The following ADAMTS3 variants were observed in gnomAD, a reference collection of about 807,000 sequenced individuals.
ADAMTS3 encodes ADAM metallopeptidase with thrombospondin type 1 motif 3.
Under a neutral mutation model 129.0 loss-of-function variants are expected in ADAMTS3, and 73 were observed. That is an observed-to-expected ratio of 0.57 (90% CI 0.47 to 0.69). The LOEUF is 0.69. Among genes scored for constraint, ADAMTS3 ranks in the 30% least tolerant of loss-of-function variants. The probability of loss-of-function intolerance (pLI) is 0.00; values close to 1 mark genes in which losing one functional copy is unlikely to be tolerated. For missense variants in ADAMTS3, 1,457 were observed against 1,514.5 expected (o/e 0.96, Z 0.63); for synonymous variants, 477 against 510.8 (o/e 0.93, Z 0.89).
At chr4:72,490,307 T>C (rs1719706223) in intron 3 of ADAMTS3, among the ~76,000 whole-genome samples, 1 of 151,980 alleles carries the variant, frequency 6.6e-6, no homozygotes, top group Admixed American at 6.6e-5. Flanking sequence ...CTGTTGGTTA[T>C]CTCTTCACTT....
chr4:72,543,841 T>C (rs1162481037), intron 3 of ADAMTS3, among the ~76,000 whole-genome samples: 1 of 152,110 alleles, frequency 6.6e-6, no homozygotes, highest in Non-Finnish European at 1.5e-5. Context: ...CTGAACTGTA[T>C]ACTTAAAACA....
chr4:72,460,243 G>C lies in ADAMTS3; in HGVS notation c.505-45272C>G, dbSNP rs188543456. ...CTGTTCATTGAAGCTGCTTAAGGTA[G>C]ATTTTCTAGTTTCTCTTACTTTTTT... On this transcript the variant is annotated intron_variant, in intron 3 of 21. Transcript: ENST00000286657. 5.7e-4 allele frequency among the ~76,000 whole-genome samples: 86 copies of C among 151,650 alleles called. 3 individuals carry two copies. The East Asian group carries it at 0.016, about 28-fold the overall frequency.
At chr4:72,290,734 C>G (rs1718634511) in intron 20 of ADAMTS3, 121 bp downstream of exon 20, 2 of 1,081,926 alleles carry the variant, frequency 1.8e-6, no homozygotes, top group East Asian at 2.6e-5. Context: ...CAGGTAATTA[C>G]AAAATATGCA....
chr4:72,303,928 C>G lies in ADAMTS3; in HGVS notation c.2413G>C (p.Val805Leu), dbSNP rs548509564. 1.2e-6 allele frequency: 2 copies of G among 1,613,416 alleles called. No individual in the cohort carries two copies. The highest frequency in any genetic ancestry group is 2.2e-5 in the East Asian group (1 of 44,826). The change falls in exon 17 of 22, where the codon GTT becomes CTT. Residue 805 changes from valine (V) to leucine (L), a missense_variant. Physicochemically the swap from Val to Leu is conservative, Grantham distance 32. Transcript: ENST00000286657. ...ATAATGCCACATACCAAAACAATAACAGGATCATGTAAAGGTCCATCGGTG... is the reference window on the plus strand; with the variant it reads ...ATAATGCCACATACCAAAACAATAAGAGGATCATGTAAAGGTCCATCGGTG... ...LHTDGPLHDP[V>L]IVLIIPQEND...
intron 3 of ADAMTS3, among the ~76,000 whole-genome samples, chr4:72,440,537 C>A (rs918581818): frequency 6.6e-6 from 1 of 151,830 alleles, no homozygotes; most frequent in African/African-American, 2.4e-5. Context: ...ACCACTTCAT[C>A]TCTTGCCAGT....
chr4:72,350,069 A>T (rs1349972207), intron 4 of ADAMTS3, among the ~76,000 whole-genome samples: 1 of 152,060 alleles, frequency 6.6e-6, no homozygotes, highest in East Asian at 1.9e-4. Context: ...TAGTCCACAA[A>T]TAATATTATT....
chr4:72,385,275 G>A (rs1291556758), intron 4 of ADAMTS3, among the ~76,000 whole-genome samples: 1 of 151,712 alleles, frequency 6.6e-6, no homozygotes, highest in African/African-American at 2.4e-5. Flanking sequence ...TTAACTCTAA[G>A]GACACCTGAA....
At chr4:72,439,222 T>C (rs1396916160) in intron 3 of ADAMTS3, among the ~76,000 whole-genome samples, 2 of 151,738 alleles carry the variant, frequency 1.3e-5, no homozygotes, top group Non-Finnish European at 2.9e-5. Flanking sequence ...GCCATTTCAT[T>C]AAGTTTTTAG....
rs72852050 is a variant in ADAMTS3, at chr4:72,414,808, C to T, written c.661+7G>A. ...ATTTCATTATTAAGCTTTGTCAAGA[C>T]GCCTACCTCTGTAGTGGAAGTCTTT... On this transcript the variant is annotated splice_region_variant and intron_variant, in intron 4 of 21. Coordinates refer to ENST00000286657, the MANE Select transcript of ADAMTS3 (RefSeq NM_014243.3). The T allele has an allele frequency of 1.2e-3, 1,622 of 1,406,846 alleles. 26 individuals carry two copies. The African/African-American group carries it at 0.021, about 18-fold the overall frequency. The allele number at this position is 1,406,846 out of a possible 1,614,324, so 87.1% of individuals were successfully genotyped here.
chr4:72,415,141 T>C (rs1362117263), intron 3 of ADAMTS3, among the ~76,000 whole-genome samples, 170 bp from the exon 4 acceptor site: 2 of 151,712 alleles, frequency 1.3e-5, no homozygotes, highest in East Asian at 1.9e-4. Flanking sequence ...AATTAATTCA[T>C]ATAAGGTAGA....
chr4:72,448,581 C>A (rs1373049910), intron 3 of ADAMTS3, among the ~76,000 whole-genome samples: 3 of 151,604 alleles, frequency 2.0e-5, no homozygotes. Flanking sequence ...GGCAACAATC[C>A]TAAAAATTTA....
chr4:72,299,262 G>A (rs559586042), intron 17 of ADAMTS3, among the ~76,000 whole-genome samples: 19 of 151,990 alleles, frequency 1.3e-4, no homozygotes, highest in Non-Finnish European at 2.5e-4. Flanking sequence ...AACTTGCTTG[G>A]TGGGTACAAT....
rs185241266 is a variant in ADAMTS3 at position 72,496,519 on chromosome 4, G to A, written c.504+51959C>T. 4.3e-4 allele frequency among the ~76,000 whole-genome samples: 65 copies of A among 152,034 alleles called. 1 individual carries two copies. The highest frequency in any genetic ancestry group is 1.3e-3 in the African/African-American group (53 of 41,466). The stretch of plus-strand genomic sequence containing the variant: ...GGATATTAATCTTCACAAGCATCCC[G>A]CTATATGGCATAGGTATATAAAAGT... On this transcript the variant is annotated intron_variant, in intron 3 of 21. Transcript: ENST00000286657.
chr4:72,490,338 A>G (rs1216916568), intron 3 of ADAMTS3, among the ~76,000 whole-genome samples: 1 of 151,826 alleles, frequency 6.6e-6, no homozygotes, highest in Admixed American at 6.6e-5. Context: ...TTCTATGCAA[A>G]TGCTTTTCAC....
chr4:72,346,641 A>G (rs909311446), intron 4 of ADAMTS3, among the ~76,000 whole-genome samples: 1 of 152,130 alleles, frequency 6.6e-6, no homozygotes, highest in African/African-American at 2.4e-5. Flanking sequence ...TTAAATTAAA[A>G]TATAAGATAA....
chr4:72,505,492 T>C (rs1322530749), intron 3 of ADAMTS3, among the ~76,000 whole-genome samples: 1 of 152,202 alleles, frequency 6.6e-6, no homozygotes, highest in African/African-American at 2.4e-5. Context: ...AAAAGCTGTC[T>C]GTTGCCCCAG....
At chr4:72,516,611 G>A (rs1720488856) in intron 3 of ADAMTS3, among the ~76,000 whole-genome samples, 2 of 152,128 alleles carry the variant, frequency 1.3e-5, no homozygotes, top group South Asian at 2.1e-4. Flanking sequence ...TTGAATGGGA[G>A]TTCACTCATG....
chr4:72,320,999 C>A, intron 6 of ADAMTS3, 129 bp from the exon 7 acceptor site: 2 of 909,626 alleles, frequency 2.2e-6, no homozygotes, highest in Non-Finnish European at 3.2e-6. Context: ...GGGGCTTATT[C>A]TGATATTTGC....
At chr4:72,352,933 T>C (rs768407803) in intron 4 of ADAMTS3, among the ~76,000 whole-genome samples, 29 of 152,092 alleles carry the variant, frequency 1.9e-4, no homozygotes, top group Middle Eastern at 3.4e-3. Flanking sequence ...TCATGAAGAA[T>C]CTTAAATATT....
Sources: gnomAD v4.1 joint callset for allele counts (sites outside exome capture counted in the v4.1 genomes callset) on GRCh38, gnomAD v4.1.1 for gene constraint, MANE v1.5 for transcripts, NCBI Gene and HGNC (gene_info 2026-07-23, HGNC 2026-07-21) for gene names.